Variants in UNC50 observed in about 807,000 individuals in gnomAD.
UNC50 encodes the protein unc-50 inner nuclear membrane RNA binding protein.
Under a neutral mutation model 31.5 loss-of-function variants are expected in UNC50, and 24 were observed. That is an observed-to-expected ratio of 0.76 (90% CI 0.55 to 1.07). The LOEUF (loss-of-function observed/expected upper bound fraction) is 1.07. Ranked by LOEUF, UNC50 falls within the 50% of genes least tolerant of loss-of-function variation. UNC50 has a pLI of 0.00. For synonymous variants in UNC50, 118 were observed against 114.7 expected (o/e 1.03, Z -0.18); for missense variants, 245 against 304.2 (o/e 0.81, Z 1.45).
chr2:98,617,601 G>C (rs1700950523), intron 5 of UNC50, among the ~76,000 whole-genome samples: 1 of 152,162 alleles, frequency 6.6e-6, no homozygotes, highest in Non-Finnish European at 1.5e-5. Flanking sequence ...GCATGGGGTA[G>C]GGTCCCGCTA....
intron 2 of UNC50, 150 bp downstream of exon 2, chr2:98,610,189 T>A: frequency 1.1e-6 from 1 of 882,056 alleles, no homozygotes; most frequent in South Asian, 1.8e-5. Context: ...GAAAGAAAGT[T>A]GTAGTCTTGG....
At chr2:98,609,629 T>C (rs1700786816) in intron 1 of UNC50, 127 bp from the exon 2 acceptor site, 3 of 1,462,818 alleles carry the variant, frequency 2.1e-6, no homozygotes, top group Non-Finnish European at 2.8e-6. Context: ...TTTTGACTCC[T>C]GGCCTTTCTC....
chr2:98,616,184 A>G (rs1391078958), intron 3 of UNC50, 23 bp from the exon 4 acceptor site: 2 of 1,591,988 alleles, frequency 1.3e-6, no homozygotes, highest in East Asian at 2.2e-5. Flanking sequence ...TTATTATGAA[A>G]GAAATTTTAA....
chr2:98,611,021 G>T (rs1700819601), intron 3 of UNC50, 126 bp downstream of exon 3: 2 of 1,149,290 alleles, frequency 1.7e-6, no homozygotes, highest in Non-Finnish European at 2.4e-6. Context: ...AATTTTGACT[G>T]CCAAGATTAT....
chr2:98,616,136 G>A (rs1336378716), intron 3 of UNC50, 71 bp from the exon 4 acceptor site: 10 of 1,469,118 alleles, frequency 6.8e-6, no homozygotes, highest in South Asian at 5.1e-5. Context: ...AATGTCTGCC[G>A]CATAGAAAGT....
At chr2:98,608,862 A>G (rs1700761660) in intron 1 of UNC50, 136 bp downstream of exon 1, 2 of 254,182 alleles carry the variant, frequency 7.9e-6, no homozygotes, top group African/African-American at 2.4e-5. Context: ...GGCCGGCGAT[A>G]GAGTTGCGGC....
intron 3 of UNC50, 102 bp downstream of exon 3, chr2:98,610,997 G>A (rs1272060196): frequency 1.5e-6 from 2 of 1,334,346 alleles, no homozygotes; most frequent in Non-Finnish European, 1.0e-6. Flanking sequence ...CCCAGGTAGA[G>A]TTACTAAATG....
chr2:98,613,798 G>A (rs538790059), intron 3 of UNC50, among the ~76,000 whole-genome samples: 22 of 152,326 alleles, frequency 1.4e-4, no homozygotes. Context: ...GTGTATTTTT[G>A]AGAACCTATG....
In UNC50 at chr2:98,609,638, T is replaced by A; in HGVS notation, c.-4-118T>A. ...ATTTGCTTTTGACTCCTGGCCTTTC[T>A]CTAGGGTTGGGAAGAACATGGAAAG... On this transcript the variant is annotated intron_variant, in intron 1 of 5. Transcript: ENST00000357765. The A allele has an allele frequency of 2.0e-6, 3 of 1,514,412 alleles. No individual in the cohort carries two copies. The East Asian group carries it at 6.8e-5, about 34-fold the overall frequency. 93.8% of individuals were successfully genotyped at this position (1,514,412 alleles called of 1,614,324 possible). A position where few individuals can be genotyped will look rare whatever the true frequency, so the allele number is the denominator to read the frequency against.
chr2:98,609,405 T>G (rs1700779430), intron 1 of UNC50: 2 of 357,928 alleles, frequency 5.6e-6, no homozygotes. Context: ...GCTTGGTGGT[T>G]AAGAGCACGG....
chr2:98,615,350 T>C (rs1481743514), intron 3 of UNC50, among the ~76,000 whole-genome samples: 1 of 152,216 alleles, frequency 6.6e-6, no homozygotes, highest in Admixed American at 6.5e-5. Context: ...TACTCCATAC[T>C]AGTTGGCATC....
chr2:98,608,818 G>A (rs1226282665), intron 1 of UNC50, 92 bp downstream of exon 1: 1 of 280,380 alleles, frequency 3.6e-6, no homozygotes, highest in Admixed American at 5.3e-5. Flanking sequence ...CGTCGCTGCG[G>A]CCTGGCAGTG....
chr2:98,610,059 A>G lies in UNC50; in HGVS notation c.280+20A>G. On this transcript the variant is annotated intron_variant, in intron 2 of 5. Coordinates refer to ENST00000357765, the MANE Select transcript of UNC50 (RefSeq NM_014044.7). Reference sequence around the variant, plus strand: ...TCTGTGGTAAGTGTGTTTATCTGAGATAGAATTGAACGCTGAGTGTTTCTG... The same window carrying G: ...TCTGTGGTAAGTGTGTTTATCTGAGGTAGAATTGAACGCTGAGTGTTTCTG... The G allele has an allele frequency of 1.9e-6, 3 of 1,596,408 alleles. No individual in the cohort carries two copies. Among genetic ancestry groups the G allele is most frequent in the Non-Finnish European group, 2.6e-6 (3 of 1,167,370 alleles).
At chr2:98,610,751 GA>G (rs1700812759) in intron 2 of UNC50, 23 bp from the exon 3 acceptor site, 10 of 1,612,326 alleles carry the variant, frequency 6.2e-6, no homozygotes, top group Non-Finnish European at 8.5e-6. Flanking sequence ...GTCCCTAAAT[GA>G]ATCTTGTGAA....
At chr2:98,617,919 C>A (rs780072533) in intron 5 of UNC50, among the ~76,000 whole-genome samples, 14 of 152,098 alleles carry the variant, frequency 9.2e-5, no homozygotes, top group Non-Finnish European at 1.8e-4. Flanking sequence ...TGTATGATGT[C>A]CCACTCAGCC....
chr2:98,610,705 C>A, intron 2 of UNC50, 70 bp from the exon 3 acceptor site: 1 of 1,563,192 alleles, frequency 6.4e-7, no homozygotes. Context: ...ATCTGGAGGG[C>A]AAGGGATGTG....
intron 3 of UNC50, 151 bp downstream of exon 3, chr2:98,611,046 C>A: frequency 2.2e-6 from 2 of 913,010 alleles, no homozygotes; most frequent in Non-Finnish European, 3.2e-6. Flanking sequence ...ATTTTCCCTC[C>A]TGTGTTGCCA....
At chr2:98,609,625 C>T in intron 1 of UNC50, 131 bp from the exon 2 acceptor site, 1 of 1,438,438 alleles carries the variant, frequency 7.0e-7, no homozygotes, top group Non-Finnish European at 9.5e-7. Flanking sequence ...TTGCTTTTGA[C>T]TCCTGGCCTT....
In UNC50 at chr2:98,608,735, T is replaced by C; in HGVS notation, c.-5+9T>C. ...CTGTAGCAGGACTCCAGGTGAGGCC[T>C]GAGGACCACTCTGCCCTCCCGCGGC... On this transcript the variant is annotated intron_variant, in intron 1 of 5. Coordinates refer to ENST00000357765, the MANE Select transcript of UNC50 (RefSeq NM_014044.7). 2 of 393,542 alleles carry C rather than the reference T, an allele frequency of 5.1e-6. No individual in the cohort carries two copies. The highest frequency in any genetic ancestry group is 4.5e-5 in the South Asian group (2 of 44,418). 24.4% of individuals were successfully genotyped at this position (393,542 alleles called of 1,614,324 possible). A position where few individuals can be genotyped will look rare whatever the true frequency, so the allele number is the denominator to read the frequency against.
Sources: gnomAD v4.1 joint callset for allele counts (sites outside exome capture counted in the v4.1 genomes callset) on GRCh38, gnomAD v4.1.1 for gene constraint, MANE v1.5 for transcripts, NCBI Gene and HGNC (gene_info 2026-07-23, HGNC 2026-07-21) for gene names.